Variants in XYLT1 observed in about 807,000 individuals in gnomAD.
XYLT1 encodes beta-D-xylosyltransferase 1.
Under a neutral mutation model 91.3 loss-of-function variants are expected in XYLT1, and 36 were observed. The ratio of observed to expected loss-of-function variants is 0.39; its 90% CI spans 0.30 to 0.52. The LOEUF is 0.52. Among genes scored for constraint, XYLT1 ranks in the 20% least tolerant of loss-of-function variants. The pLI is 0.68. For missense variants in XYLT1, 1,242 were observed against 1,284.5 expected (o/e 0.97, Z 0.51); for synonymous variants, 588 against 532.0 (o/e 1.11, Z -1.45).
At chr16:17,126,570 T>C (rs2030267348) in intron 10 of XYLT1, among the ~76,000 whole-genome samples, 1 of 152,182 alleles carries the variant, frequency 6.6e-6, no homozygotes, top group South Asian at 2.1e-4. Context: ...AGAGAAGGAC[T>C]GTCAAGGAAA....
chr16:17,402,953 T>A (rs765387237), intron 1 of XYLT1, among the ~76,000 whole-genome samples: 2 of 151,586 alleles, frequency 1.3e-5, no homozygotes, highest in Non-Finnish European at 3.0e-5. Context: ...TTGCCCAGGA[T>A]GGATATACCC....
intron 2 of XYLT1, among the ~76,000 whole-genome samples, chr16:17,349,118 G>A (rs570212426): frequency 2.6e-5 from 4 of 152,318 alleles, no homozygotes; most frequent in African/African-American, 9.6e-5. Flanking sequence ...CCACTGCTGT[G>A]CTCACCGTCT....
rs35985751 is a variant in XYLT1 at position 17,297,557 on chromosome 16, GA to G, written c.403-38060del. On this transcript the variant is annotated intron_variant, in intron 2 of 11. Coordinates refer to ENST00000261381, the MANE Select transcript of XYLT1 (RefSeq NM_022166.4). ...TGAGGACCCCATCTCTAAAGAAAAT[GA>G]AAAAAAAAAAAAAACTTAGCTTGGT... Among the ~76,000 whole-genome samples, 277 of 142,950 alleles carry G rather than the reference GA, an allele frequency of 1.9e-3. 2 individuals carry two copies. The highest frequency in any genetic ancestry group is 3.2e-3 in the East Asian group (15 of 4,700). 93.8% of individuals were successfully genotyped at this position (142,950 alleles called of 152,430 possible). A position where few individuals can be genotyped will look rare whatever the true frequency, so the allele number is the denominator to read the frequency against.
chr16:17,257,427 G>C (rs2033650595), intron 3 of XYLT1, among the ~76,000 whole-genome samples: 1 of 152,200 alleles, frequency 6.6e-6, no homozygotes, highest in Non-Finnish European at 1.5e-5. Flanking sequence ...GGTGCCTTTT[G>C]GATGCTATCC....
intron 3 of XYLT1, among the ~76,000 whole-genome samples, chr16:17,230,623 CT>C (rs1250053250): frequency 6.6e-6 from 1 of 152,204 alleles, no homozygotes; most frequent in Non-Finnish European, 1.5e-5. Flanking sequence ...AGGCCGCCTC[CT>C]CTTTTTGGAA....
At chr16:17,335,692 C>T (rs1298143280) in intron 2 of XYLT1, among the ~76,000 whole-genome samples, 9 of 98,716 alleles carry the variant, frequency 9.1e-5, no homozygotes, top group African/African-American at 4.2e-4. Context: ...AAAACTCCAT[C>T]TCAAAAAAAA....
chr16:17,257,030 C>T (rs73519205), intron 3 of XYLT1, among the ~76,000 whole-genome samples: 2,757 of 152,338 alleles, frequency 0.018, 91 homozygotes, highest in African/African-American at 0.062. Context: ...CTCTCTGTTG[C>T]CTCCTTGCTG....
At chr16:17,134,329 A>G (rs988849656) in intron 9 of XYLT1, 144 bp downstream of exon 9, 36 of 1,109,106 alleles carry the variant, frequency 3.2e-5, no homozygotes, top group Non-Finnish European at 4.2e-5. Context: ...GTGGCGTTAG[A>G]TGAGTTTTGG....
chr16:17,146,874 G>C (rs753392819), intron 6 of XYLT1, among the ~76,000 whole-genome samples: 1 of 152,200 alleles, frequency 6.6e-6, no homozygotes, highest in Non-Finnish European at 1.5e-5. Context: ...CCAATCAAAA[G>C]ACCCAGCTGT....
chr16:17,135,303 A>G (rs1298146487), intron 8 of XYLT1, among the ~76,000 whole-genome samples: 1 of 152,082 alleles, frequency 6.6e-6, no homozygotes, highest in Non-Finnish European at 1.5e-5. Context: ...ACCATGCCCT[A>G]TTGCCTCTTT....
At chr16:17,322,534 C>A (rs1328290450) in intron 2 of XYLT1, among the ~76,000 whole-genome samples, 1 of 152,176 alleles carries the variant, frequency 6.6e-6, no homozygotes, top group Non-Finnish European at 1.5e-5. Context: ...TCTCCTGCCT[C>A]TAATAGAGCA....
chr16:17,217,954 TAATAAA>T (rs2032890802), intron 3 of XYLT1, among the ~76,000 whole-genome samples: 1 of 123,286 alleles, frequency 8.1e-6, no homozygotes, highest in African/African-American at 2.6e-5. Flanking sequence ...ATAATAATAA[TAATAAA>T]AAAAAAAAAA....
At chr16:17,290,666 C>A (rs1030403535) in intron 2 of XYLT1, among the ~76,000 whole-genome samples, 3 of 152,196 alleles carry the variant, frequency 2.0e-5, no homozygotes, top group African/African-American at 7.2e-5. Flanking sequence ...GTGGAATAAT[C>A]ACTACTAACA....
chr16:17,138,899 AGTCT>A (rs2030873350), intron 7 of XYLT1, among the ~76,000 whole-genome samples: 1 of 152,210 alleles, frequency 6.6e-6, no homozygotes, highest in Non-Finnish European at 1.5e-5. Context: ...AAGGGATTCA[AGTCT>A]GACTGACTGA....
At chr16:17,138,626 T>TAAGA (rs2030859201) in intron 7 of XYLT1, 95 bp from the exon 8 acceptor site, 2 of 1,421,248 alleles carry the variant, frequency 1.4e-6, no homozygotes, top group Admixed American at 1.9e-5. Flanking sequence ...TGAGTTCATG[T>TAAGA]AAGAACTGGT....
At chr16:17,132,218 G>T (rs8051152) in intron 9 of XYLT1, among the ~76,000 whole-genome samples, 9 of 152,182 alleles carry the variant, frequency 5.9e-5, no homozygotes, top group South Asian at 2.1e-4. Context: ...CTAGCAGTGG[G>T]GGGGAGAGAG....
chr16:17,260,422 C>T (rs1175805971), intron 2 of XYLT1, among the ~76,000 whole-genome samples: 1 of 152,176 alleles, frequency 6.6e-6, no homozygotes, highest in East Asian at 1.9e-4. Context: ...CAACACGGCC[C>T]CTGACCTCTG....
intron 5 of XYLT1, among the ~76,000 whole-genome samples, chr16:17,177,190 T>G (rs2031965024): frequency 6.6e-6 from 1 of 152,164 alleles, no homozygotes; most frequent in African/African-American, 2.4e-5. Flanking sequence ...TCCTCTTCTT[T>G]CAACTCTCAG....
chr16:17,264,504 C>A (rs1451627603), intron 2 of XYLT1, among the ~76,000 whole-genome samples: 1 of 152,170 alleles, frequency 6.6e-6, no homozygotes, highest in African/African-American at 2.4e-5. Flanking sequence ...TTCATGTTCC[C>A]CCTAACTCTT....
Sources: allele counts gnomAD v4.1 joint callset (sites outside exome capture counted in the v4.1 genomes callset), GRCh38; gene constraint gnomAD v4.1.1; transcripts MANE v1.5; gene names NCBI Gene and HGNC (gene_info 2026-07-23, HGNC 2026-07-21).